The following XIRP2 variants were observed in gnomAD, a reference collection of about 807,000 sequenced individuals.
XIRP2 encodes the protein xin actin-binding repeat-containing protein 2.
In XIRP2, 236 loss-of-function variants were observed where a neutral mutation model predicts 277.0. The ratio of observed to expected loss-of-function variants is 0.85; its 90% CI spans 0.77 to 0.95. XIRP2 has a LOEUF of 0.95. Among genes scored for constraint, XIRP2 ranks in the 40% least tolerant of loss-of-function variants. The probability of loss-of-function intolerance (pLI) is 0.00; values close to 1 mark genes in which losing one functional copy is unlikely to be tolerated. For missense variants in XIRP2, 4,640 were observed against 4,157.5 expected, an observed-to-expected ratio of 1.12 and a Z score of -3.19; for synonymous variants, 1,490 against 1,416.5, an observed-to-expected ratio of 1.05 and a Z score of -1.17.
chr2:167,058,792 G>A (rs1186390317), intron 2 of XIRP2, among the ~76,000 whole-genome samples: 1 of 152,182 alleles, frequency 6.6e-6, no homozygotes, highest in Non-Finnish European at 1.5e-5. Flanking sequence ...TGGAATCAAG[G>A]TGAGAAATAC....
intron 2 of XIRP2, among the ~76,000 whole-genome samples, chr2:166,921,461 T>C (rs1245098624): frequency 6.6e-6 from 1 of 152,144 alleles, no homozygotes; most frequent in African/African-American, 2.4e-5. Flanking sequence ...CATTTGTCCC[T>C]CTGCTGGGAA....
Position 167,243,550 on chromosome 2 carries a change from T to A in XIRP2, c.2158T>A (p.Ser720Thr). 6.2e-7 allele frequency: 1 copy of A among 1,613,946 alleles called. No homozygotes were observed. The highest frequency in any genetic ancestry group is 8.5e-7 in the Non-Finnish European group (1 of 1,179,968). The change falls in exon 9 of 11, where the codon TCT becomes ACT. Residue 720 changes from serine (S) to threonine (T), a missense_variant. Transcript: ENST00000409195. Reference protein sequence around the residue: ...VDEVHLLQLRSELKEIKGNVK... With the variant: ...VDEVHLLQLRTELKEIKGNVK... The stretch of plus-strand genomic sequence containing the variant: ...TGAGGTTCATTTACTGCAGCTTAGG[T>A]CTGAGCTCAAAGAAATTAAGGGAAA...
intron 3 of XIRP2, among the ~76,000 whole-genome samples, chr2:167,153,868 T>C (rs1213000060): frequency 6.6e-6 from 1 of 151,162 alleles, no homozygotes; most frequent in Non-Finnish European, 1.5e-5. Context: ...GCAATAAACA[T>C]ACATGTGCAT....
At chr2:167,085,253 T>A (rs1689898249) in intron 2 of XIRP2, among the ~76,000 whole-genome samples, 1 of 151,822 alleles carries the variant, frequency 6.6e-6, no homozygotes, top group South Asian at 2.1e-4. Flanking sequence ...TTGAGCGGTT[T>A]TGAGTGAGTT....
At chr2:167,082,096 C>T (rs6750338) in intron 2 of XIRP2, among the ~76,000 whole-genome samples, 1 of 142,662 alleles carries the variant, frequency 7.0e-6, no homozygotes, top group Non-Finnish European at 1.5e-5. Flanking sequence ...TCCCTCCCCC[C>T]TCCCTCTACC....
At chr2:167,081,915 A>C (rs535100597) in intron 2 of XIRP2, among the ~76,000 whole-genome samples, 14 of 151,416 alleles carry the variant, frequency 9.2e-5, no homozygotes, top group Admixed American at 2.0e-4. Context: ...TAGTAGAATC[A>C]TACACTTATA....
chr2:167,140,757 A>G (rs1691694524), intron 3 of XIRP2: 1 of 152,200 alleles, frequency 6.6e-6, no homozygotes, highest in South Asian at 2.1e-4. Flanking sequence ...TAAAATAAAG[A>G]ATCCATTTTT....
chr2:167,250,189 T>TC lies in XIRP2; in HGVS notation c.8800dup (p.Gln2934ProfsTer4). 2 of 1,613,514 alleles carry TC rather than the reference T, an allele frequency of 1.2e-6. No homozygotes were observed. Among genetic ancestry groups the TC allele is most frequent in the Non-Finnish European group, 1.7e-6 (2 of 1,179,664 alleles). On this transcript the variant is annotated frameshift_variant, in exon 9 of 11. Transcript: ENST00000409195. LOFTEE classifies it high-confidence loss of function. ...ATCTTTCTTTTCCTCTGTGAAAGAA[T>TC]CCCAGCGGGATGATGGAAAAGGTGC...
At chr2:167,232,636 TAAGTA>T (rs1694792665) in intron 5 of XIRP2, among the ~76,000 whole-genome samples, 1 of 151,930 alleles carries the variant, frequency 6.6e-6, no homozygotes, top group South Asian at 2.1e-4. Flanking sequence ...AAATATTTGT[TAAGTA>T]AAGATACCAA....
chr2:167,025,857 G>A (rs1253746122), intron 2 of XIRP2, among the ~76,000 whole-genome samples: 2 of 151,922 alleles, frequency 1.3e-5, no homozygotes, highest in Non-Finnish European at 2.9e-5. Context: ...CATTTGCTGA[G>A]GAGAGCTTTA....
At chr2:167,127,346 G>T (rs1278597082) in intron 2 of XIRP2, among the ~76,000 whole-genome samples, 1 of 152,136 alleles carries the variant, frequency 6.6e-6, no homozygotes, top group Non-Finnish European at 1.5e-5. Context: ...AACATGATCT[G>T]GTCTAATGAA....
At chr2:167,180,416 C>A (rs987044313) in intron 3 of XIRP2, among the ~76,000 whole-genome samples, 15 of 152,054 alleles carry the variant, frequency 9.9e-5, no homozygotes, top group African/African-American at 3.6e-4. Flanking sequence ...GGAAAAATTT[C>A]TCAAAATTTT....
intron 2 of XIRP2, among the ~76,000 whole-genome samples, chr2:166,933,339 G>A (rs992723660): frequency 4.6e-5 from 7 of 151,856 alleles, no homozygotes; most frequent in African/African-American, 1.7e-4. Flanking sequence ...TAGTAGAGAT[G>A]GGGTTTTGCC....
intron 2 of XIRP2, among the ~76,000 whole-genome samples, chr2:166,906,439 A>G (rs1369644623): frequency 1.2e-4 from 18 of 152,046 alleles, no homozygotes; most frequent in East Asian, 3.9e-4. Flanking sequence ...ATGTATTTTT[A>G]TATAATATAT....
intron 3 of XIRP2, among the ~76,000 whole-genome samples, chr2:167,208,963 A>G (rs1419888319): frequency 6.6e-6 from 1 of 152,236 alleles, no homozygotes; most frequent in Admixed American, 6.5e-5. Flanking sequence ...CACAGGGAAA[A>G]ATAAAGAGCT....
intron 7 of XIRP2, among the ~76,000 whole-genome samples, chr2:167,240,948 C>T (rs1695047823): frequency 6.6e-6 from 1 of 152,110 alleles, no homozygotes; most frequent in African/African-American, 2.4e-5. Context: ...GTTTATTGGC[C>T]ATCAGTCCTA....
At chr2:167,051,804 A>T (rs943634311) in intron 2 of XIRP2, among the ~76,000 whole-genome samples, 2 of 152,092 alleles carry the variant, frequency 1.3e-5, no homozygotes, top group African/African-American at 2.4e-5. Context: ...TTTAGTGATA[A>T]CCCTCCGAAT....
At chr2:167,010,776 G>A (rs1460263069) in intron 2 of XIRP2, among the ~76,000 whole-genome samples, 1 of 151,958 alleles carries the variant, frequency 6.6e-6, no homozygotes, top group African/African-American at 2.4e-5. Context: ...TCCTTCAAGA[G>A]GTCCTTCACG....
intron 2 of XIRP2, among the ~76,000 whole-genome samples, chr2:167,078,503 T>C (rs1689634284): frequency 6.6e-6 from 1 of 152,176 alleles, no homozygotes; most frequent in African/African-American, 2.4e-5. Flanking sequence ...CTTCCAGTAC[T>C]ATTAGGTTGG....
Sources: allele counts gnomAD v4.1 joint callset (sites outside exome capture counted in the v4.1 genomes callset), GRCh38; gene constraint gnomAD v4.1.1; transcripts MANE v1.5; gene names NCBI Gene and HGNC (gene_info 2026-07-23, HGNC 2026-07-21).